The following PRKN variants were observed in gnomAD, a reference collection of about 807,000 sequenced individuals.
PRKN encodes the protein E3 ubiquitin-protein ligase parkin.
A neutral mutation model predicts 59.5 loss-of-function variants in PRKN; 56 were observed. That is an observed-to-expected ratio of 0.94 (90% CI 0.76 to 1.18). PRKN has a LOEUF of 1.18. Ranked by LOEUF, PRKN falls within the 50% of genes most tolerant of loss-of-function variation. The probability of loss-of-function intolerance (pLI) is 0.00; values close to 1 mark genes in which losing one functional copy is unlikely to be tolerated. For synonymous variants in PRKN, 250 were observed against 222.1 expected (o/e 1.13, Z -1.12); for missense variants, 657 against 596.4 (o/e 1.10, Z -1.06).
At chr6:162,306,772 G>A (rs73783481) in intron 2 of PRKN, among the ~76,000 whole-genome samples, 3,318 of 152,164 alleles carry the variant, frequency 0.022, 107 homozygotes, top group African/African-American at 0.076. Flanking sequence ...ACATGGTTAG[G>A]CCACAACCTC....
chr6:162,143,783 T>C (rs572602462), intron 4 of PRKN, among the ~76,000 whole-genome samples: 8 of 152,166 alleles, frequency 5.3e-5, no homozygotes, highest in Non-Finnish European at 8.8e-5. Flanking sequence ...GAAGCTTGAA[T>C]TGAGTCTTGA....
At chr6:162,509,996 A>G (rs575115654) in intron 1 of PRKN, among the ~76,000 whole-genome samples, 44 of 152,270 alleles carry the variant, frequency 2.9e-4, no homozygotes, top group African/African-American at 1.1e-3. Context: ...ACATGCAACA[A>G]ATCTCCACAG....
chr6:161,744,636 C>G (rs554732047), intron 7 of PRKN, among the ~76,000 whole-genome samples: 1 of 152,318 alleles, frequency 6.6e-6, no homozygotes, highest in South Asian at 2.1e-4. Flanking sequence ...GGACCCAAAG[C>G]TGGAAGATCC....
chr6:161,615,798 G>T (rs1413358042), intron 7 of PRKN, among the ~76,000 whole-genome samples: 1 of 152,240 alleles, frequency 6.6e-6, no homozygotes, highest in African/African-American at 2.4e-5. Context: ...GCTGCAACGT[G>T]GACCTGACTA....
chr6:162,229,826 GT>G (rs1277033992), intron 3 of PRKN, among the ~76,000 whole-genome samples: 1 of 152,166 alleles, frequency 6.6e-6, no homozygotes, highest in Non-Finnish European at 1.5e-5. Flanking sequence ...CTTTCGATCT[GT>G]TTGACATTTC....
chr6:161,972,272 C>A, intron 6 of PRKN, among the ~76,000 whole-genome samples: 1 of 128,780 alleles, frequency 7.8e-6, no homozygotes. Context: ...GAAACTCCTT[C>A]TCAAAAAAAA....
At chr6:161,918,080 T>G (rs1778642185) in intron 6 of PRKN, among the ~76,000 whole-genome samples, 1 of 152,224 alleles carries the variant, frequency 6.6e-6, no homozygotes. Flanking sequence ...TTCATTTCAA[T>G]TTTCATATTA....
intron 6 of PRKN, among the ~76,000 whole-genome samples, chr6:161,845,542 A>C (rs1056881823): frequency 1.2e-4 from 19 of 152,194 alleles, no homozygotes; most frequent in African/African-American, 4.6e-4. Flanking sequence ...AGGAATTATA[A>C]ATAGGACAAA....
At chr6:161,772,669 TC>T (rs1215271944) in intron 7 of PRKN, among the ~76,000 whole-genome samples, 2 of 152,178 alleles carry the variant, frequency 1.3e-5, no homozygotes, top group Non-Finnish European at 2.9e-5. Context: ...AAGCAATTCT[TC>T]CCAGTCACTA....
At chr6:162,269,240 A>G (rs1780268401) in intron 2 of PRKN, among the ~76,000 whole-genome samples, 1 of 152,150 alleles carries the variant, frequency 6.6e-6, no homozygotes, top group Non-Finnish European at 1.5e-5. Flanking sequence ...TTACCAGACA[A>G]TACCGTCTTT....
At chr6:161,961,776 T>G (rs1213256158) in intron 6 of PRKN, among the ~76,000 whole-genome samples, 2 of 152,136 alleles carry the variant, frequency 1.3e-5, no homozygotes, top group South Asian at 2.1e-4. Context: ...ATCTGTTGAA[T>G]GAACAGACTA....
At chr6:162,565,414 G>A (rs1040540755) in intron 1 of PRKN, among the ~76,000 whole-genome samples, 1 of 152,124 alleles carries the variant, frequency 6.6e-6, no homozygotes, top group African/African-American at 2.4e-5. Flanking sequence ...CGGGAGCGGT[G>A]GCTCAATGTG....
At chr6:161,942,872 G>A (rs1164215314) in intron 6 of PRKN, among the ~76,000 whole-genome samples, 2 of 152,178 alleles carry the variant, frequency 1.3e-5, no homozygotes, top group Non-Finnish European at 2.9e-5. Context: ...AATAGCTGGA[G>A]TATCCAACAG....
At chr6:162,002,279 A>T (rs1168845708) in intron 5 of PRKN, among the ~76,000 whole-genome samples, 1 of 152,036 alleles carries the variant, frequency 6.6e-6, no homozygotes, top group Admixed American at 6.6e-5. Context: ...AGTGAACCTA[A>T]CTGGAGCTGG....
chr6:162,496,299 CT>C (rs1244616974), intron 1 of PRKN, among the ~76,000 whole-genome samples: 1 of 152,058 alleles, frequency 6.6e-6, no homozygotes, highest in Non-Finnish European at 1.5e-5. Flanking sequence ...GAGAATTCTG[CT>C]GGTAGAAAAG....
intron 7 of PRKN, among the ~76,000 whole-genome samples, chr6:161,679,680 C>CT (rs1312946541): frequency 5.0e-5 from 7 of 138,966 alleles, no homozygotes; most frequent in Non-Finnish European, 1.1e-4. Flanking sequence ...AACCACCCCC[C>CT]CCCCTTTTTT....
intron 4 of PRKN, among the ~76,000 whole-genome samples, chr6:162,125,683 C>T (rs1195551341): frequency 2.0e-5 from 3 of 152,154 alleles, no homozygotes; most frequent in Non-Finnish European, 4.4e-5. Flanking sequence ...TGGTAACGTA[C>T]CATGGCCAAA....
chr6:161,838,461 G>C (rs543549597), intron 6 of PRKN, among the ~76,000 whole-genome samples: 90 of 152,248 alleles, frequency 5.9e-4, no homozygotes, highest in African/African-American at 2.1e-3. Context: ...TCAGCCTTCC[G>C]AGCCTCAGGT....
chr6:161,997,872 A>C (rs1312871284), intron 5 of PRKN, among the ~76,000 whole-genome samples: 2 of 152,096 alleles, frequency 1.3e-5, no homozygotes, highest in Non-Finnish European at 2.9e-5. Flanking sequence ...GTTATATATA[A>C]GCCCATCTGT....
Sources: allele counts gnomAD v4.1 joint callset (sites outside exome capture counted in the v4.1 genomes callset), GRCh38; gene constraint gnomAD v4.1.1; transcripts MANE v1.5; gene names NCBI Gene and HGNC (gene_info 2026-07-23, HGNC 2026-07-21).